The following CEPT1 variants were observed in gnomAD, a reference collection of about 807,000 sequenced individuals.
The protein encoded by CEPT1 is choline/ethanolamine phosphotransferase 1.
CEPT1 carries 7 observed loss-of-function variants against 42.6 expected under a neutral mutation model. The observed-to-expected ratio is 0.16, with a 90% CI of 0.09 to 0.31. CEPT1 has a LOEUF of 0.31. Among genes scored for constraint, CEPT1 ranks in the 10% least tolerant of loss-of-function variants. The pLI, the probability that CEPT1 is intolerant of heterozygous loss-of-function variation, is 1.00. For synonymous variants in CEPT1, 171 were observed against 171.9 expected (o/e 0.99, Z 0.04); for missense variants, 306 against 502.1 (o/e 0.61, Z 3.73).
At chr1:111,171,622 T>C (rs1441653690) in intron 4 of CEPT1, among the ~76,000 whole-genome samples, 1 of 152,258 alleles carries the variant, frequency 6.6e-6, no homozygotes, top group Non-Finnish European at 1.5e-5. Flanking sequence ...TGGCTTGTCA[T>C]AGTAATTTAA....
chr1:111,141,970 A>G (rs951327878), intron 1 of CEPT1, among the ~76,000 whole-genome samples: 7 of 152,096 alleles, frequency 4.6e-5, no homozygotes, highest in Admixed American at 3.9e-4. Flanking sequence ...ACCCTTAGAC[A>G]TGGCGGGGAT....
intron 1 of CEPT1, among the ~76,000 whole-genome samples, chr1:111,145,715 T>C (rs551006971): frequency 1.3e-5 from 2 of 152,292 alleles, no homozygotes; most frequent in East Asian, 1.9e-4. Context: ...CCTCTAGCCA[T>C]GGCCGGGTCT....
At chr1:111,144,443 T>C (rs1369453005) in intron 1 of CEPT1, among the ~76,000 whole-genome samples, 1 of 152,210 alleles carries the variant, frequency 6.6e-6, no homozygotes, top group African/African-American at 2.4e-5. Flanking sequence ...TCATTGCCTC[T>C]TTTCATGTAT....
rs1657194559 is a variant in CEPT1, at chr1:111,184,988, C to T, written c.*678C>T. On this transcript the variant is annotated 3_prime_UTR_variant, in exon 9 of 9. Coordinates refer to ENST00000357172, the MANE Select transcript of CEPT1 (RefSeq NM_006090.5). ...TTAAATAAATATATGATCTAAAAGC[C>T]AACTTTTTCTCAGTTTTACTCAGTG... is the stretch of plus-strand genomic sequence containing the variant. 1 of 151,716 alleles carries T rather than the reference C, an allele frequency of 6.6e-6. No homozygotes were observed. Among genetic ancestry groups the T allele is most frequent in the Non-Finnish European group, 1.5e-5 (1 of 67,884 alleles). The allele number at this position is 151,716 out of a possible 1,614,324, so 9.4% of individuals were successfully genotyped here.
chr1:111,165,507 TTA>T (rs1656104364), intron 4 of CEPT1, among the ~76,000 whole-genome samples: 1 of 152,190 alleles, frequency 6.6e-6, no homozygotes, highest in African/African-American at 2.4e-5. Flanking sequence ...AATCTCTAAG[TTA>T]TCTTTTTTAT....
At chr1:111,177,640 C>T (rs891440598) in intron 5 of CEPT1, among the ~76,000 whole-genome samples, 1 of 152,164 alleles carries the variant, frequency 6.6e-6, no homozygotes, top group African/African-American at 2.4e-5. Context: ...ATATAATCTA[C>T]ACATGTACAT....
At chr1:111,169,577 T>C (rs1241169637) in intron 4 of CEPT1, among the ~76,000 whole-genome samples, 1 of 152,214 alleles carries the variant, frequency 6.6e-6, no homozygotes, top group Non-Finnish European at 1.5e-5. Context: ...AATACTTTGT[T>C]TTCTCTGTAT....
At chr1:111,159,352 C>T (rs1222213123) in intron 2 of CEPT1, 28 bp from the exon 3 acceptor site, 2 of 1,596,268 alleles carry the variant, frequency 1.3e-6, no homozygotes, top group East Asian at 2.3e-5. Context: ...TGTCTGAATA[C>T]TCTTGCCTTT....
At chr1:111,171,931 T>G (rs1656437378) in intron 4 of CEPT1, among the ~76,000 whole-genome samples, 1 of 152,134 alleles carries the variant, frequency 6.6e-6, no homozygotes, top group South Asian at 2.1e-4. Flanking sequence ...GAGACGGGGT[T>G]TCTCCATGTT....
At chr1:111,147,322 T>C (rs977305124) in intron 1 of CEPT1, among the ~76,000 whole-genome samples, 2 of 152,238 alleles carry the variant, frequency 1.3e-5, no homozygotes, top group Admixed American at 1.3e-4. Flanking sequence ...ATGAGATGAT[T>C]TCTAACATTT....
At chr1:111,181,385 C>T (rs1205634180) in intron 5 of CEPT1, 1 of 152,114 alleles carries the variant, frequency 6.6e-6, no homozygotes, top group Non-Finnish European at 1.5e-5. Context: ...TTTTAAAATT[C>T]AGTACAAGTG....
Position 111,184,230 on chromosome 1 carries a change from G to A in CEPT1, c.1171G>A (p.Val391Ile), listed in dbSNP as rs2101419097. 6.2e-7 allele frequency: 1 copy of A among 1,613,594 alleles called. No individual in the cohort carries two copies. The highest frequency in any genetic ancestry group is 2.2e-5 in the East Asian group (1 of 44,862). Reference protein sequence around the residue: ...FFDLIRYCVSVCNQIASHLHI... With the variant: ...FFDLIRYCVSICNQIASHLHI... ...TGATTTGATCCGCTACTGTGTCAGT[G>A]TTTGCAATCAGATTGCGTCTCACCT... The change falls in exon 9 of 9, where the codon GTT becomes ATT. Residue 391 changes from valine (V) to isoleucine (I), a missense_variant. By Grantham distance (29) the Val-to-Ile change is conservative. Transcript: ENST00000357172.
intron 4 of CEPT1, among the ~76,000 whole-genome samples, chr1:111,169,053 A>G (rs1656285282): frequency 1.3e-5 from 2 of 152,240 alleles, no homozygotes; most frequent in Non-Finnish European, 1.5e-5. Context: ...GTAAATGCCA[A>G]GTAAATAGTT....
chr1:111,149,298 T>G (rs1178104666), intron 2 of CEPT1, among the ~76,000 whole-genome samples: 2 of 137,068 alleles, frequency 1.5e-5, no homozygotes, highest in African/African-American at 6.1e-5. Context: ...GGTCTGCCTT[T>G]GTCACCCAGG....
At chr1:111,168,372 G>A (rs1373431531) in intron 4 of CEPT1, among the ~76,000 whole-genome samples, 2 of 151,562 alleles carry the variant, frequency 1.3e-5, no homozygotes, top group Non-Finnish European at 2.9e-5. Context: ...TCAATGCAAG[G>A]GTTTATTAAG....
chr1:111,149,317 C>T (rs577561130), intron 2 of CEPT1, among the ~76,000 whole-genome samples: 9 of 148,490 alleles, frequency 6.1e-5, no homozygotes, highest in Non-Finnish European at 1.2e-4. Flanking sequence ...GGCTGGAGTG[C>T]AATGGCACTG....
chr1:111,170,061 A>C (rs1177293380), intron 4 of CEPT1, among the ~76,000 whole-genome samples: 1 of 152,158 alleles, frequency 6.6e-6, no homozygotes, highest in Non-Finnish European at 1.5e-5. Context: ...TTGCTATATT[A>C]AGACCTGTTT....
At chr1:111,178,633 A>G (rs1400026357) in intron 5 of CEPT1, 1 of 152,190 alleles carries the variant, frequency 6.6e-6, no homozygotes, top group Non-Finnish European at 1.5e-5. Flanking sequence ...AAAAAAAACA[A>G]AGAAGAATAT....
chr1:111,184,160 C>T lies in CEPT1; in HGVS notation c.1132-31C>T, dbSNP rs531476708. 2.9e-5 allele frequency: 46 copies of T among 1,610,260 alleles called. No individual in the cohort carries two copies. The Middle Eastern group carries it at 1.5e-3, about 52-fold the overall frequency. Reference sequence around the variant, plus strand: ...TCAGGAAGCTTAGGGAGAGCCTAAACGGGTGCTGAGAATGTCTCTTTTCTT... The same window carrying T: ...TCAGGAAGCTTAGGGAGAGCCTAAATGGGTGCTGAGAATGTCTCTTTTCTT... On this transcript the variant is annotated intron_variant, in intron 8 of 8. Coordinates refer to ENST00000357172, the MANE Select transcript of CEPT1 (RefSeq NM_006090.5).
Sources: allele counts gnomAD v4.1 joint callset (sites outside exome capture counted in the v4.1 genomes callset), GRCh38; gene constraint gnomAD v4.1.1; transcripts MANE v1.5; gene names NCBI Gene and HGNC (gene_info 2026-07-23, HGNC 2026-07-21).